Variants in JAZF1 observed in about 807,000 individuals in gnomAD.
The protein encoded by JAZF1 is juxtaposed with another zinc finger protein 1.
A neutral mutation model predicts 26.4 loss-of-function variants in JAZF1; 8 were observed. The ratio of observed to expected loss-of-function variants is 0.30; its 90% CI spans 0.18 to 0.55. The LOEUF is 0.55. JAZF1 is among the 20% of genes least tolerant of loss of function. The pLI is 0.94. For synonymous variants in JAZF1, 126 were observed against 122.3 expected (o/e 1.03, Z -0.20); for missense variants, 199 against 322.0 (o/e 0.62, Z 2.92).
rs551369538 is a variant in JAZF1, at chr7:28,058,893, A to T, written c.116-66912T>A. 1.2e-3 allele frequency among the ~76,000 whole-genome samples: 188 copies of T among 152,274 alleles called. 2 individuals are homozygous for T. The highest frequency in any genetic ancestry group is 4.5e-3 in the African/African-American group (185 of 41,562). On this transcript the variant is annotated intron_variant, in intron 1 of 4. Coordinates refer to ENST00000283928, the MANE Select transcript of JAZF1 (RefSeq NM_175061.4). ...AATGCTCTGCCACTTCAAATGTTGG[A>T]TGCAGCCTTCTTTATATGTCTTTCA...
chr7:28,066,480 G>A, intron 1 of JAZF1, among the ~76,000 whole-genome samples: 1 of 151,904 alleles, frequency 6.6e-6, no homozygotes, highest in Non-Finnish European at 1.5e-5. Context: ...GCGCATGCCT[G>A]TTATCCCAGC....
intron 1 of JAZF1, among the ~76,000 whole-genome samples, chr7:28,051,346 A>T (rs925274556): frequency 6.6e-6 from 1 of 151,268 alleles, no homozygotes; most frequent in African/African-American, 2.4e-5. Flanking sequence ...TAGCCTCCCA[A>T]GTAGCTGGGA....
intron 2 of JAZF1, among the ~76,000 whole-genome samples, chr7:27,947,938 T>G (rs1371702038): frequency 2.0e-5 from 3 of 152,176 alleles, no homozygotes; most frequent in African/African-American, 7.2e-5. Context: ...CTAACTCTGC[T>G]TGCTTTCCTA....
chr7:28,110,520 GAAAAGGA>G (rs766689439), intron 1 of JAZF1, among the ~76,000 whole-genome samples: 2 of 60,152 alleles, frequency 3.3e-5, no homozygotes, highest in African/African-American at 6.1e-5. Context: ...AAAGGAAAAG[GAAAAGGA>G]AAAGGAAAGG....
At chr7:27,953,019 G>A (rs1785036715) in intron 2 of JAZF1, among the ~76,000 whole-genome samples, 1 of 152,338 alleles carries the variant, frequency 6.6e-6, no homozygotes, top group East Asian at 1.9e-4. Flanking sequence ...TCTAAAGGCA[G>A]TAACATAGGA....
intron 2 of JAZF1, among the ~76,000 whole-genome samples, chr7:27,932,370 T>C (rs773204130): frequency 6.6e-6 from 1 of 152,130 alleles, no homozygotes; most frequent in Non-Finnish European, 1.5e-5. Context: ...GAGAAAAATA[T>C]TGGTGTTTGA....
intron 1 of JAZF1, among the ~76,000 whole-genome samples, chr7:28,016,196 C>T (rs1424966166): frequency 1.3e-5 from 2 of 152,294 alleles, no homozygotes; most frequent in African/African-American, 4.8e-5. Flanking sequence ...CCATGCCCCT[C>T]GCCCCAGTGG....
At chr7:27,867,754 T>C (rs538852049) in intron 3 of JAZF1, among the ~76,000 whole-genome samples, 14 of 152,230 alleles carry the variant, frequency 9.2e-5, no homozygotes, top group Non-Finnish European at 1.6e-4. Context: ...ACTCCAGGCA[T>C]GACAACAAAG....
intron 2 of JAZF1, among the ~76,000 whole-genome samples, chr7:27,929,342 C>T (rs925268408): frequency 4.6e-5 from 7 of 152,146 alleles, no homozygotes; most frequent in Non-Finnish European, 8.8e-5. Context: ...GTGGCGGCCA[C>T]CCTGAAAGAT....
chr7:28,119,048 G>T (rs1406975781), intron 1 of JAZF1, among the ~76,000 whole-genome samples: 1 of 152,178 alleles, frequency 6.6e-6, no homozygotes, highest in African/African-American at 2.4e-5. Flanking sequence ...AGACCTCTGT[G>T]CTGTTAAAAG....
chr7:27,900,619 G>A (rs1161636672), intron 2 of JAZF1, among the ~76,000 whole-genome samples: 1 of 151,556 alleles, frequency 6.6e-6, no homozygotes, highest in African/African-American at 2.4e-5. Flanking sequence ...TTAATGTGGG[G>A]AAAAAAAAGC....
chr7:28,110,526 GAAAAGGAAAGGA>G lies in JAZF1; in HGVS notation c.115+69925_115+69936del, dbSNP rs1250742563. Among the ~76,000 whole-genome samples, 184 of 69,912 alleles carry G rather than the reference GAAAAGGAAAGGA, an allele frequency of 2.6e-3. 6 individuals are homozygous for G. Among genetic ancestry groups the G allele is most frequent in the African/African-American group, 8.7e-3 (171 of 19,624 alleles). 45.9% of individuals were successfully genotyped at this position (69,912 alleles called of 152,430 possible). On this transcript the variant is annotated intron_variant, in intron 1 of 4. Transcript: ENST00000283928. ...AGGAAAAGGAAAGGAAAAGGAAAAGGAAAAGGAAAGGAAAAGGAAAAGGAAAAGGAAAGGGAA... is the reference window on the plus strand; with the variant it reads ...AGGAAAAGGAAAGGAAAAGGAAAAGGAAAGGAAAAGGAAAAGGAAAGGGAA...
chr7:28,156,101 T>C (rs1783181123), intron 1 of JAZF1, among the ~76,000 whole-genome samples: 1 of 152,240 alleles, frequency 6.6e-6, no homozygotes, highest in African/African-American at 2.4e-5. Context: ...CCAAGAGTTA[T>C]GCAACAACAT....
intron 3 of JAZF1, among the ~76,000 whole-genome samples, chr7:27,869,931 C>T (rs939129174): frequency 5.3e-5 from 8 of 152,264 alleles, no homozygotes; most frequent in East Asian, 1.9e-4. Context: ...GATGGAATCT[C>T]GCTCTGTTGC....
intron 1 of JAZF1, among the ~76,000 whole-genome samples, chr7:28,121,421 A>G (rs774754405): frequency 7.2e-5 from 11 of 152,196 alleles, no homozygotes; most frequent in Non-Finnish European, 1.6e-4. Flanking sequence ...AGGCTGGTAG[A>G]GTCCAGGAAT....
At chr7:27,971,663 A>G (rs1452962184) in intron 2 of JAZF1, among the ~76,000 whole-genome samples, 1 of 152,232 alleles carries the variant, frequency 6.6e-6, no homozygotes, top group South Asian at 2.1e-4. Context: ...GGTGCCGCAC[A>G]TAAGGGGAAA....
intron 2 of JAZF1, among the ~76,000 whole-genome samples, chr7:27,923,437 A>C (rs1212298168): frequency 6.6e-6 from 1 of 152,334 alleles, no homozygotes; most frequent in African/African-American, 2.4e-5. Flanking sequence ...CTCTATCCCA[A>C]CTTTGCAGAG....
intron 2 of JAZF1, among the ~76,000 whole-genome samples, chr7:27,912,722 T>G (rs1784378615): frequency 6.6e-6 from 1 of 152,100 alleles, no homozygotes; most frequent in Non-Finnish European, 1.5e-5. Context: ...GGGGCTTGGG[T>G]GACTATTTAC....
chr7:27,881,637 T>A (rs1238009204), intron 3 of JAZF1, among the ~76,000 whole-genome samples: 4 of 152,174 alleles, frequency 2.6e-5, no homozygotes, highest in African/African-American at 9.7e-5. Flanking sequence ...GTCACGATCA[T>A]GTCTCAAAAA....
Sources: allele counts gnomAD v4.1 joint callset (sites outside exome capture counted in the v4.1 genomes callset), GRCh38; gene constraint gnomAD v4.1.1; transcripts MANE v1.5; gene names NCBI Gene and HGNC (gene_info 2026-07-23, HGNC 2026-07-21).